AUTS2: variants seen among roughly 807,000 people sequenced by gnomAD.
AUTS2 encodes activator of transcription and developmental regulator AUTS2, also known as autism susceptibility gene 2 protein.
Under a neutral mutation model 112.4 loss-of-function variants are expected in AUTS2, and 17 were observed. The ratio of observed to expected loss-of-function variants is 0.15; its 90% confidence interval spans 0.10 to 0.23. The LOEUF (loss-of-function observed/expected upper bound fraction) is 0.23, where lower values mean the gene tolerates loss of function less well. AUTS2 is among the 10% of genes least tolerant of loss of function. The probability of loss-of-function intolerance (pLI) is 1.00; values close to 1 mark genes in which losing one functional copy is unlikely to be tolerated. For synonymous variants in AUTS2, 751 were observed against 702.7 expected, an observed-to-expected ratio of 1.07 and a Z score of -1.09; for missense variants, 1,510 against 1,701.6, an observed-to-expected ratio of 0.89 and a Z score of 1.98.
intron 4 of AUTS2, among the ~76,000 whole-genome samples, chr7:70,228,524 T>C (rs1185753941): frequency 6.6e-6 from 1 of 151,882 alleles, no homozygotes; most frequent in African/African-American, 2.4e-5. Flanking sequence ...TAAATAGGTG[T>C]GTTTTAGTGT....
intron 1 of AUTS2, among the ~76,000 whole-genome samples, chr7:69,782,654 GATA>G (rs1429825206): frequency 6.6e-6 from 1 of 151,836 alleles, no homozygotes; most frequent in African/African-American, 2.4e-5. Flanking sequence ...TTTAAGAAAA[GATA>G]ATTAAGGAGG....
chr7:70,745,655 A>G (rs574810714), intron 6 of AUTS2, among the ~76,000 whole-genome samples: 2 of 152,346 alleles, frequency 1.3e-5, no homozygotes, highest in African/African-American at 2.4e-5. Flanking sequence ...ACCTTTGATT[A>G]TTAACACTGC....
At chr7:70,290,232 G>A (rs897422392) in intron 4 of AUTS2, 1 of 917,548 alleles carries the variant, frequency 1.1e-6, no homozygotes, top group Non-Finnish European at 1.5e-6. Context: ...ATGTTTTTCT[G>A]TGTAAAGGAG....
chr7:70,561,815 A>G lies in AUTS2; in HGVS notation c.690+126034A>G, dbSNP rs138331526. 2.7e-3 allele frequency among the ~76,000 whole-genome samples: 411 copies of G among 152,268 alleles called. 2 individuals are homozygous for G. The highest frequency in any genetic ancestry group is 9.6e-3 in the African/African-American group (400 of 41,548). ...GGTCCTGCAGCAGATTGCCCCTTAC[A>G]GATAATAGCCAGAACTAGGTCACGT... On this transcript the variant is annotated intron_variant, in intron 5 of 18. Coordinates refer to ENST00000342771, the MANE Select transcript of AUTS2 (RefSeq NM_015570.4).
intron 1 of AUTS2, among the ~76,000 whole-genome samples, chr7:69,856,706 A>C (rs1792740300): frequency 6.6e-6 from 1 of 152,200 alleles, no homozygotes; most frequent in Non-Finnish European, 1.5e-5. Context: ...TTAAGAAATA[A>C]ATGAAATAAT....
At chr7:70,785,541 G>T in intron 16 of AUTS2, 1 of 466,362 alleles carries the variant, frequency 2.1e-6, no homozygotes. Context: ...TCAGGCATTG[G>T]CTTGCACAAC....
chr7:70,764,708 C>T, intron 7 of AUTS2, 44 bp from the exon 8 acceptor site: 2 of 715,896 alleles, frequency 2.8e-6, no homozygotes, highest in Non-Finnish European at 5.2e-6. Context: ...ACATTGCTTA[C>T]CTTTTTTTAT....
Position 70,790,779 on chromosome 7 carries a change from G to C in AUTS2, c.3563G>C (p.Gly1188Ala), listed in dbSNP as rs1289198205. 3 of 1,612,448 alleles carry C rather than the reference G, an allele frequency of 1.9e-6. No individual in the cohort carries two copies. Among genetic ancestry groups the C allele is most frequent in the South Asian group, 1.1e-5 (1 of 90,840 alleles). Reference protein sequence around the residue: ...HLPHPSLITPGLPSMHYPRIS... With the variant: ...HLPHPSLITPALPSMHYPRIS... ...CCCCACCCCAGCCTCATCACCCCGG[G>C]ACTCCCCAGCATGCACTATCCCCGC... Residue 1188 changes from glycine (G) to alanine (A), a missense_variant, in exon 19 of 19, where the codon GGA becomes GCA. Gly to Ala is a moderately conservative substitution (Grantham distance 60, BLOSUM62 0). Coordinates refer to ENST00000342771, the MANE Select transcript of AUTS2 (RefSeq NM_015570.4). This position sits in a 1 kb window ranked among gnomAD's most constrained non-coding sequence, Gnocchi z 7.6.
intron 2 of AUTS2, among the ~76,000 whole-genome samples, chr7:70,004,723 A>T (rs1475213050): frequency 6.6e-6 from 1 of 151,814 alleles, no homozygotes; most frequent in Admixed American, 6.6e-5. Flanking sequence ...GGGAAAAAAA[A>T]TTACTTCATT....
intron 16 of AUTS2, 55 bp downstream of exon 16, chr7:70,785,074 T>A: frequency 6.3e-7 from 1 of 1,576,386 alleles, no homozygotes; most frequent in Non-Finnish European, 8.7e-7. Flanking sequence ...AACCCTGCTG[T>A]GTTTACCATG....
chr7:70,056,526 C>T (rs376361037), intron 2 of AUTS2, among the ~76,000 whole-genome samples: 13 of 152,160 alleles, frequency 8.5e-5, no homozygotes, highest in African/African-American at 3.1e-4. Flanking sequence ...TCTCAGTGCT[C>T]GGGCTCACAG....
At chr7:70,021,238 T>C (rs2129555323) in intron 2 of AUTS2, among the ~76,000 whole-genome samples, 1 of 152,354 alleles carries the variant, frequency 6.6e-6, no homozygotes, top group East Asian at 1.9e-4. Context: ...CGCCTTGGCC[T>C]CCCAAAGTGC....
At chr7:70,779,550 C>T (rs554040282) in intron 14 of AUTS2, among the ~76,000 whole-genome samples, 4 of 152,306 alleles carry the variant, frequency 2.6e-5, no homozygotes, top group South Asian at 4.1e-4. Context: ...GGGACGTTGC[C>T]GTCAGCAGTA....
At chr7:70,534,285 C>G (rs1036615501) in intron 5 of AUTS2, among the ~76,000 whole-genome samples, 1 of 152,160 alleles carries the variant, frequency 6.6e-6, no homozygotes, top group Non-Finnish European at 1.5e-5. Flanking sequence ...TGATTTCTGA[C>G]GCCTGGGAGG....
chr7:70,224,034 G>A (rs1811622196), intron 4 of AUTS2, among the ~76,000 whole-genome samples: 1 of 152,000 alleles, frequency 6.6e-6, no homozygotes, highest in Non-Finnish European at 1.5e-5. Flanking sequence ...TATAAAGTAG[G>A]CCATGTGCAG....
intron 1 of AUTS2, among the ~76,000 whole-genome samples, chr7:69,706,882 C>CTTA (rs1413176086): frequency 4.6e-5 from 7 of 152,140 alleles, no homozygotes; most frequent in Non-Finnish European, 1.0e-4. Flanking sequence ...CGATATCTTG[C>CTTA]TTATTGTAAG....
intron 6 of AUTS2, among the ~76,000 whole-genome samples, chr7:70,750,750 T>C (rs1416904351): frequency 6.6e-6 from 1 of 152,212 alleles, no homozygotes. Flanking sequence ...ACCCAGCCTC[T>C]TTTCTAAATG....
intron 4 of AUTS2, among the ~76,000 whole-genome samples, chr7:70,249,874 A>AATT (rs1483134998): frequency 6.7e-6 from 1 of 150,252 alleles, no homozygotes; most frequent in Non-Finnish European, 1.5e-5. Context: ...ATTTTAAGTA[A>AATT]AATATTTTAA....
intron 4 of AUTS2, among the ~76,000 whole-genome samples, chr7:70,181,954 C>A (rs62458806): frequency 0.056 from 8,535 of 151,826 alleles, 368 homozygotes; most frequent in Non-Finnish European, 0.078. Flanking sequence ...CCCGCCACCA[C>A]GCCTGGCTAA....
Sources: allele counts gnomAD v4.1 joint callset (sites outside exome capture counted in the v4.1 genomes callset), GRCh38; gene constraint gnomAD v4.1.1; non-coding constraint Gnocchi (gnomAD v3.1); transcripts MANE v1.5; gene names NCBI Gene and HGNC (gene_info 2026-07-23, HGNC 2026-07-21).